The following SYT16 variants were observed in gnomAD, a reference collection of about 807,000 sequenced individuals.
SYT16 encodes the protein synaptotagmin 16, also known as synaptotagmin-16.
Under a neutral mutation model 61.4 loss-of-function variants are expected in SYT16, and 42 were observed. The observed-to-expected ratio is 0.68, with a 90% CI of 0.53 to 0.89. The LOEUF is 0.89. Among genes scored for constraint, SYT16 ranks in the 40% least tolerant of loss-of-function variants. SYT16 has a pLI of 0.00. For missense variants in SYT16, 804 were observed against 807.3 expected, an observed-to-expected ratio of 1.00 and a Z score of 0.05; for synonymous variants, 314 against 302.3, an observed-to-expected ratio of 1.04 and a Z score of -0.40.
At chr14:61,974,149 G>C (rs927126390) in intron 2 of SYT16, among the ~76,000 whole-genome samples, 1 of 152,194 alleles carries the variant, frequency 6.6e-6, no homozygotes, top group African/African-American at 2.4e-5. Context: ...GTGAGCAGGA[G>C]AACACTTGTT....
chr14:61,906,089 G>C (rs1271171551), intron 1 of SYT16, among the ~76,000 whole-genome samples: 1 of 152,154 alleles, frequency 6.6e-6, no homozygotes, highest in African/African-American at 2.4e-5. Flanking sequence ...CTGAAAATTG[G>C]AGTTTATTAT....
intron 3 of SYT16, among the ~76,000 whole-genome samples, chr14:62,062,671 ATCTC>A (rs930982124): frequency 3.3e-5 from 5 of 150,960 alleles, no homozygotes; most frequent in African/African-American, 1.2e-4. Flanking sequence ...GTCATCTTTG[ATCTC>A]CCTTCTGCTT....
intron 1 of SYT16, among the ~76,000 whole-genome samples, chr14:61,875,031 G>C (rs1160862869): frequency 3.3e-5 from 5 of 152,208 alleles, no homozygotes; most frequent in African/African-American, 1.2e-4. Context: ...GCAAAGTGCA[G>C]TTGTGGATCA....
intron 1 of SYT16, among the ~76,000 whole-genome samples, chr14:61,848,026 A>G (rs1387907785): frequency 6.6e-6 from 1 of 152,198 alleles, no homozygotes; most frequent in African/African-American, 2.4e-5. Context: ...GAAAGGTTAC[A>G]TATTTCTGTC....
rs1041184543 is a variant in SYT16 at position 62,107,302 on chromosome 14, G to A, written c.*6595G>A. 1.3e-5 allele frequency: 2 copies of A among 151,988 alleles called. No individual in the cohort carries two copies. Among genetic ancestry groups the A allele is most frequent in the African/African-American group, 4.8e-5 (2 of 41,344 alleles). 9.4% of individuals were successfully genotyped at this position (151,988 alleles called of 1,614,324 possible). A position where few individuals can be genotyped will look rare whatever the true frequency, so the allele number is the denominator to read the frequency against. ...CCAAACATTCGCTGGGTATGGTGGT[G>A]TGCGCCTATAGTCCCAGCTCCTCAG... On this transcript the variant is annotated 3_prime_UTR_variant, in exon 8 of 8. Coordinates refer to ENST00000683842, the MANE Select transcript of SYT16 (RefSeq NM_001367656.1).
Position 62,062,106 on chromosome 14 carries a change from A to G in SYT16, c.524-7497A>G, listed in dbSNP as rs958290878. The stretch of plus-strand genomic sequence containing the variant: ...GGAAGATTTTCTATTTGACTCACTC[A>G]TATTTAACTATTACAAGTGCCATCG... On this transcript the variant is annotated intron_variant, in intron 3 of 7. Coordinates refer to ENST00000683842, the MANE Select transcript of SYT16 (RefSeq NM_001367656.1). 2.0e-5 allele frequency among the ~76,000 whole-genome samples: 3 copies of G among 152,328 alleles called. No homozygotes were observed. The South Asian group carries it at 6.2e-4, about 32-fold the overall frequency.
At chr14:62,070,647 G>A (rs2056264075) in intron 4 of SYT16, among the ~76,000 whole-genome samples, 2 of 152,122 alleles carry the variant, frequency 1.3e-5, no homozygotes, top group Admixed American at 1.3e-4. Flanking sequence ...CAAAGGTCAA[G>A]GTATCTATCT....
chr14:61,976,731 G>A (rs768736398), intron 2 of SYT16, among the ~76,000 whole-genome samples: 3 of 152,220 alleles, frequency 2.0e-5, no homozygotes, highest in South Asian at 2.1e-4. Context: ...CTAGGACTCT[G>A]AGCCTGTGAT....
chr14:61,935,922 C>T (rs1237083244), intron 1 of SYT16, among the ~76,000 whole-genome samples: 2 of 152,104 alleles, frequency 1.3e-5, no homozygotes, highest in East Asian at 1.9e-4. Context: ...GAGTAAAGGG[C>T]GCAAGTATTC....
intron 1 of SYT16, among the ~76,000 whole-genome samples, chr14:61,910,110 TCTTA>T (rs1447767015): frequency 6.6e-6 from 1 of 152,252 alleles, no homozygotes; most frequent in Non-Finnish European, 1.5e-5. Flanking sequence ...CTATTTCTAC[TCTTA>T]CTTGCTATCA....
intron 1 of SYT16, among the ~76,000 whole-genome samples, chr14:61,832,683 C>G (rs1367125190): frequency 6.6e-6 from 1 of 152,150 alleles, no homozygotes; most frequent in Non-Finnish European, 1.5e-5. Context: ...GGTGATCCGC[C>G]CACCTCGGCC....
At chr14:61,953,582 A>G (rs1290496513) in intron 1 of SYT16, among the ~76,000 whole-genome samples, 3 of 152,146 alleles carry the variant, frequency 2.0e-5, no homozygotes, top group African/African-American at 7.2e-5. Flanking sequence ...TGCTGGAGCC[A>G]ATTGCTGTCT....
chr14:61,953,762 G>T (rs1011160623), intron 1 of SYT16, among the ~76,000 whole-genome samples: 1 of 152,220 alleles, frequency 6.6e-6, no homozygotes, highest in African/African-American at 2.4e-5. Flanking sequence ...GTCAACCTGA[G>T]TGGTAGACAG....
chr14:61,864,660 G>A (rs912173813), intron 1 of SYT16, among the ~76,000 whole-genome samples: 8 of 152,256 alleles, frequency 5.3e-5, no homozygotes, highest in African/African-American at 1.7e-4. Flanking sequence ...GTACTCTCAG[G>A]CCCTTTTATG....
intron 3 of SYT16, among the ~76,000 whole-genome samples, chr14:62,027,291 A>G (rs576408332): frequency 6.6e-6 from 1 of 152,298 alleles, no homozygotes; most frequent in African/African-American, 2.4e-5. Flanking sequence ...ATGCTTTCCA[A>G]AATGAATGTA....
At chr14:61,931,468 G>A (rs779610424) in intron 1 of SYT16, among the ~76,000 whole-genome samples, 41 of 152,070 alleles carry the variant, frequency 2.7e-4, no homozygotes, top group Non-Finnish European at 5.1e-4. Context: ...ACTCAGAGAT[G>A]ATTATTTTTA....
intron 6 of SYT16, among the ~76,000 whole-genome samples, chr14:62,082,014 T>C (rs112578349): frequency 2.6e-5 from 4 of 152,302 alleles, no homozygotes; most frequent in African/African-American, 9.6e-5. Flanking sequence ...TGCAGTCTAG[T>C]GGTGGCCAAG....
At chr14:62,074,192 A>G (rs998229848) in intron 4 of SYT16, among the ~76,000 whole-genome samples, 2 of 152,116 alleles carry the variant, frequency 1.3e-5, no homozygotes, top group Non-Finnish European at 2.9e-5. Flanking sequence ...CCATCTGAGG[A>G]CACTCTTGAC....
At chr14:61,866,380 T>C (rs966695320) in intron 1 of SYT16, among the ~76,000 whole-genome samples, 3 of 152,190 alleles carry the variant, frequency 2.0e-5, no homozygotes, top group African/African-American at 4.8e-5. Flanking sequence ...TTTTGTATTC[T>C]CCCTAGCAAT....
Sources: allele counts gnomAD v4.1 joint callset (sites outside exome capture counted in the v4.1 genomes callset), GRCh38; gene constraint gnomAD v4.1.1; transcripts MANE v1.5; gene names NCBI Gene and HGNC (gene_info 2026-07-23, HGNC 2026-07-21).